Variants in PPP4R1 observed in about 807,000 individuals in gnomAD.
The protein encoded by PPP4R1 is protein phosphatase 4 regulatory subunit 1, also known as serine/threonine-protein phosphatase 4 regulatory subunit 1.
Under a neutral mutation model 111.2 loss-of-function variants are expected in PPP4R1, and 42 were observed. The ratio of observed to expected loss-of-function variants is 0.38; its 90% CI spans 0.29 to 0.49. The LOEUF (loss-of-function observed/expected upper bound fraction) is 0.49. PPP4R1 is among the 20% of genes least tolerant of loss of function. The pLI is 0.97. For missense variants in PPP4R1, 1,012 were observed against 1,161.6 expected (o/e 0.87, Z 1.87); for synonymous variants, 409 against 405.5 (o/e 1.01, Z -0.10).
At chr18:9,589,607 A>T (rs2028658) in intron 4 of PPP4R1, among the ~76,000 whole-genome samples, 55,768 of 152,108 alleles carry the variant, frequency 0.37, 11,310 homozygotes, top group East Asian at 0.54. Flanking sequence ...CTAATTATAC[A>T]TTATAAAAAC....
chr18:9,586,247 T>C (rs776094305), intron 6 of PPP4R1, among the ~76,000 whole-genome samples: 9 of 151,846 alleles, frequency 5.9e-5, no homozygotes, highest in Non-Finnish European at 1.2e-4. Flanking sequence ...TGTAAGAGAA[T>C]CATAAGACTC....
chr18:9,611,933 C>T (rs1026130927), intron 2 of PPP4R1, among the ~76,000 whole-genome samples: 1 of 152,240 alleles, frequency 6.6e-6, no homozygotes, highest in East Asian at 1.9e-4. Flanking sequence ...ATCACTTGAA[C>T]CCGGGAGGCA....
At chr18:9,580,639 C>A (rs1172606372) in intron 9 of PPP4R1, among the ~76,000 whole-genome samples, 12 of 152,118 alleles carry the variant, frequency 7.9e-5, no homozygotes, top group Admixed American at 7.9e-4. Context: ...TGCGAGCCAC[C>A]GCGCCCAGCT....
intron 11 of PPP4R1, among the ~76,000 whole-genome samples, chr18:9,567,466 C>A (rs969706757): frequency 3.3e-5 from 5 of 152,162 alleles, no homozygotes; most frequent in African/African-American, 1.2e-4. Flanking sequence ...TGGTCTCAAG[C>A]AATCCTCCTG....
rs2066423455 is a variant in PPP4R1 at position 9,547,820 on chromosome 18, T to A, written c.2822A>T (p.Asp941Val). Residue 941 changes from aspartate to valine, a missense_variant, in exon 20 of 20, where the codon GAT becomes GTT. Coordinates refer to ENST00000400556, the MANE Select transcript of PPP4R1 (RefSeq NM_001042388.3). ...GGTTGAGGACGCTGTGCTCATGGCA[T>A]CTTCGGAGATTTTGGTACTGGCAGG... Reference protein sequence around the residue: ...IHPASTKISEDAMSTASSTY With the variant: ...IHPASTKISEVAMSTASSTY 6.2e-7 allele frequency: 1 copy of A among 1,613,276 alleles called. No homozygotes were observed. Among genetic ancestry groups the A allele is most frequent in the African/African-American group, 1.3e-5 (1 of 74,894 alleles).
chr18:9,585,873 G>T (rs1418729507), intron 6 of PPP4R1, among the ~76,000 whole-genome samples: 6 of 151,976 alleles, frequency 3.9e-5, no homozygotes, highest in Non-Finnish European at 5.9e-5. Context: ...ATAAATCAAA[G>T]ACCTAAATAA....
chr18:9,585,743 T>G (rs542229615), intron 6 of PPP4R1, among the ~76,000 whole-genome samples: 1 of 152,244 alleles, frequency 6.6e-6, no homozygotes, highest in South Asian at 2.1e-4. Context: ...AAATTAGCAA[T>G]GAACAATGAA....
intron 11 of PPP4R1, chr18:9,563,829 T>A (rs1250333511): frequency 1.6e-5 from 4 of 242,548 alleles, no homozygotes; most frequent in African/African-American, 8.9e-5. Context: ...TTGCTGGAGC[T>A]GCCTCCGGCT....
In PPP4R1 at chr18:9,550,144, TTGG is replaced by T. The variant is rs776570216; in HGVS notation, c.2452_2454del (p.Pro818del). On this transcript the variant is annotated inframe_deletion, in exon 18 of 20. Coordinates refer to ENST00000400556, the MANE Select transcript of PPP4R1 (RefSeq NM_001042388.3). ...TCATTGATGAGGTCCACTCCGAACGTTGGTGGTGTTGCCGCGTGCAGCTTCTTC... is the reference window on the plus strand; with the variant it reads ...TCATTGATGAGGTCCACTCCGAACGTTGGTGTTGCCGCGTGCAGCTTCTTC... 2.5e-5 allele frequency: 40 copies of T among 1,614,042 alleles called. No homozygotes were observed. The Admixed American group carries it at 3.7e-4, about 15-fold the overall frequency.
chr18:9,614,514 C>G lies in PPP4R1; in HGVS notation c.-30G>C. ...TGGTCGCCCCCTCCTCCGCGGCCGC[C>G]CGGGGAGCCGGGGCTACATGGAGCG... On this transcript the variant is annotated 5_prime_UTR_variant, in exon 1 of 20. Transcript: ENST00000400556. The surrounding 1 kb of genome is among the most constrained non-coding windows in gnomAD (Gnocchi z 4.1). 2 of 1,016,064 alleles carry G rather than the reference C, an allele frequency of 2.0e-6. No homozygotes were observed. Among genetic ancestry groups the G allele is most frequent in the African/African-American group, 1.7e-5 (1 of 57,432 alleles). The allele number at this position is 1,016,064 out of a possible 1,614,324, so 62.9% of individuals were successfully genotyped here.
upstream of PPP4R1, among the ~76,000 whole-genome samples, chr18:9,616,296 T>G (rs1482279094): frequency 1.3e-5 from 2 of 151,302 alleles, no homozygotes; most frequent in Non-Finnish European, 2.9e-5. Context: ...TTAGAGCCAG[T>G]CTTGCCTTAC....
At chr18:9,571,903 T>G (rs998269289) in intron 10 of PPP4R1, among the ~76,000 whole-genome samples, 3 of 152,198 alleles carry the variant, frequency 2.0e-5, no homozygotes, top group Non-Finnish European at 4.4e-5. Flanking sequence ...TCTGTTGTTT[T>G]AGAAAGACCA....
Position 9,559,520 on chromosome 18 carries a change from T to C in PPP4R1, c.1927A>G (p.Lys643Glu). The change falls in exon 14 of 20, where the codon AAG becomes GAG. Residue 643 changes from lysine to glutamate, a missense_variant. Transcript: ENST00000400556. ...RAQTVDTEIA[K>E]HCAYSLPGVA... ...CCAGGGAGGCTATATGCACAGTGCT[T>C]AGCAATTTCAGTGTCAACCGTCTGT... is the stretch of plus-strand genomic sequence containing the variant. The C allele has an allele frequency of 6.2e-7, 1 of 1,613,832 alleles. No homozygotes were observed. The highest frequency in any genetic ancestry group is 8.5e-7 in the Non-Finnish European group (1 of 1,179,800).
intron 15 of PPP4R1, among the ~76,000 whole-genome samples, chr18:9,554,359 C>G (rs925592592): frequency 1.3e-5 from 2 of 152,006 alleles, no homozygotes; most frequent in African/African-American, 4.8e-5. Context: ...GATCTCCTGA[C>G]CTCAGGTGAT....
In PPP4R1 at chr18:9,614,462, A is replaced by T. The variant is rs1439133107; in HGVS notation, c.7+16T>A. ...TCGAGGAGCCGCCGCCGCCCGGAGA[A>T]CAGGGGGCCACGTACCCGCCATCTT... On this transcript the variant is annotated intron_variant, in intron 1 of 19. Transcript: ENST00000400556. This position sits in a 1 kb window ranked among gnomAD's most constrained non-coding sequence, Gnocchi z 4.1. The T allele has an allele frequency of 9.7e-7, 1 of 1,028,226 alleles. No individual in the cohort carries two copies. The highest frequency in any genetic ancestry group is 7.7e-5 in the East Asian group (1 of 12,974). 63.7% of individuals were successfully genotyped at this position (1,028,226 alleles called of 1,614,324 possible).
At chr18:9,594,906 A>C in intron 3 of PPP4R1, 112 bp downstream of exon 3, 2 of 1,282,540 alleles carry the variant, frequency 1.6e-6, no homozygotes, top group Non-Finnish European at 2.1e-6. Context: ...TTGGTGACTC[A>C]GATTGTGCCT....
intron 13 of PPP4R1, among the ~76,000 whole-genome samples, chr18:9,560,462 G>C (rs1480633309): frequency 6.6e-6 from 1 of 151,812 alleles, no homozygotes; most frequent in Non-Finnish European, 1.5e-5. Context: ...AAAACTGGTT[G>C]TATCTCAGGA....
intron 5 of PPP4R1, 96 bp from the exon 6 acceptor site, chr18:9,588,331 G>T: frequency 7.5e-7 from 1 of 1,324,664 alleles, no homozygotes; most frequent in Non-Finnish European, 1.0e-6. Context: ...ATCTCAAAGG[G>T]ACCCATAACT....
At chr18:9,555,872 C>A (rs528003331) in intron 15 of PPP4R1, among the ~76,000 whole-genome samples, 1 of 152,166 alleles carries the variant, frequency 6.6e-6, no homozygotes, top group African/African-American at 2.4e-5. Context: ...CATGGTGGCT[C>A]ACGCCTGTAA....
Sources: gnomAD v4.1 joint callset for allele counts (sites outside exome capture counted in the v4.1 genomes callset) on GRCh38, gnomAD v4.1.1 for gene constraint, Gnocchi (gnomAD v3.1) non-coding constraint, MANE v1.5 for transcripts, NCBI Gene and HGNC (gene_info 2026-07-23, HGNC 2026-07-21) for gene names.